The following SKAP2 variants were observed in gnomAD, a reference collection of about 807,000 sequenced individuals.
SKAP2 encodes src kinase associated phosphoprotein 2.
Under a neutral mutation model 54.9 loss-of-function variants are expected in SKAP2, and 28 were observed. The ratio of observed to expected loss-of-function variants is 0.51; its 90% CI spans 0.38 to 0.70. The LOEUF is 0.70. Ranked by LOEUF, SKAP2 falls within the 30% of genes least tolerant of loss-of-function variation. The probability of loss-of-function intolerance (pLI) is 0.00; values close to 1 mark genes in which losing one functional copy is unlikely to be tolerated. For missense variants in SKAP2, 356 were observed against 424.1 expected, an observed-to-expected ratio of 0.84 and a Z score of 1.41; for synonymous variants, 137 against 134.3, an observed-to-expected ratio of 1.02 and a Z score of -0.14.
At chr7:26,663,013 T>C (rs1786041896), downstream of SKAP2, among the ~76,000 whole-genome samples, 1 of 151,988 alleles carries the variant, frequency 6.6e-6, no homozygotes, top group South Asian at 2.1e-4. Flanking sequence ...TAGGAATTAG[T>C]AGGGTATCCT....
chr7:26,747,949 T>C (rs1782592624), intron 4 of SKAP2, among the ~76,000 whole-genome samples: 2 of 152,116 alleles, frequency 1.3e-5, no homozygotes, highest in South Asian at 2.1e-4. Context: ...CTGAAATCAA[T>C]TGTGTTCACC....
At chr7:26,852,536 G>C (rs1001798363) in intron 3 of SKAP2, among the ~76,000 whole-genome samples, 5 of 152,078 alleles carry the variant, frequency 3.3e-5, no homozygotes, top group African/African-American at 1.2e-4. Flanking sequence ...ATGATTATGA[G>C]CAATCTCTAA....
At chr7:26,713,241 T>C (rs916277960) in intron 9 of SKAP2, among the ~76,000 whole-genome samples, 23 of 152,344 alleles carry the variant, frequency 1.5e-4, no homozygotes, top group Non-Finnish European at 4.4e-5. Context: ...TTAAATGTCA[T>C]CTCTTCTTTA....
At chr7:26,850,440 C>T (rs952454786) in intron 3 of SKAP2, among the ~76,000 whole-genome samples, 4 of 151,686 alleles carry the variant, frequency 2.6e-5, no homozygotes, top group Non-Finnish European at 4.4e-5. Flanking sequence ...ACACAGGCAG[C>T]GTACCTATAG....
At chr7:26,768,386 A>G (rs567487691) in intron 4 of SKAP2, among the ~76,000 whole-genome samples, 2 of 151,782 alleles carry the variant, frequency 1.3e-5, no homozygotes, top group African/African-American at 2.4e-5. Flanking sequence ...TGAATACAGC[A>G]CACCAATGGG....
chr7:26,740,063 T>C, intron 4 of SKAP2, 99 bp from the exon 5 acceptor site: 1 of 699,538 alleles, frequency 1.4e-6, no homozygotes. Flanking sequence ...TTTTAATTAC[T>C]GAAATTGTTT....
At chr7:26,676,050 G>C (rs1270943844) in intron 11 of SKAP2, among the ~76,000 whole-genome samples, 1 of 152,166 alleles carries the variant, frequency 6.6e-6, no homozygotes, top group Non-Finnish European at 1.5e-5. Context: ...GGTTTTTTCA[G>C]CTCCTTATCT....
downstream of SKAP2, among the ~76,000 whole-genome samples, chr7:26,664,005 C>T (rs1003480944): frequency 6.6e-6 from 1 of 152,182 alleles, no homozygotes; most frequent in African/African-American, 2.4e-5. Context: ...ATTCTTTTCA[C>T]ATGCTTCAGA....
intron 4 of SKAP2, among the ~76,000 whole-genome samples, chr7:26,813,523 T>G (rs928956840): frequency 6.6e-6 from 1 of 152,350 alleles, no homozygotes; most frequent in Non-Finnish European, 1.5e-5. Context: ...AGTAAAGGAC[T>G]ATGGGTTGTG....
At chr7:26,705,865 T>C (rs964705040) in intron 9 of SKAP2, among the ~76,000 whole-genome samples, 3 of 152,206 alleles carry the variant, frequency 2.0e-5, no homozygotes, top group Non-Finnish European at 4.4e-5. Flanking sequence ...TATTTTCATA[T>C]ATTGAAAAGT....
At chr7:26,785,667 A>G (rs965253156) in intron 4 of SKAP2, among the ~76,000 whole-genome samples, 2 of 152,172 alleles carry the variant, frequency 1.3e-5, no homozygotes, top group Admixed American at 1.3e-4. Flanking sequence ...ATACACCATT[A>G]TAATAATAAG....
At chr7:26,731,228 T>A (rs935744478) in intron 6 of SKAP2, among the ~76,000 whole-genome samples, 18 of 152,204 alleles carry the variant, frequency 1.2e-4, no homozygotes, top group African/African-American at 4.1e-4. Flanking sequence ...TATATAGGAA[T>A]CTCTGTGGGT....
At chr7:26,788,309 C>CAG (rs1219757287) in intron 4 of SKAP2, among the ~76,000 whole-genome samples, 1 of 152,094 alleles carries the variant, frequency 6.6e-6, no homozygotes, top group Non-Finnish European at 1.5e-5. Context: ...AGCTGTGCCA[C>CAG]TGGCTGTGAT....
At chr7:26,751,988 G>T (rs1405900369) in intron 4 of SKAP2, among the ~76,000 whole-genome samples, 1 of 152,080 alleles carries the variant, frequency 6.6e-6, no homozygotes, top group Non-Finnish European at 1.5e-5. Flanking sequence ...GTTAATGTTA[G>T]GAGAATTGGG....
chr7:26,719,122 C>G (rs1484294287), intron 9 of SKAP2, among the ~76,000 whole-genome samples: 1 of 151,966 alleles, frequency 6.6e-6, no homozygotes, highest in African/African-American at 2.4e-5. Context: ...CTGCAGTGAG[C>G]CATGAATGCA....
intron 4 of SKAP2, among the ~76,000 whole-genome samples, chr7:26,840,734 T>C (rs1292351596): frequency 6.6e-6 from 1 of 152,044 alleles, no homozygotes; most frequent in East Asian, 1.9e-4. Flanking sequence ...ATAAAGCTAA[T>C]AAAATGAAAC....
intron 4 of SKAP2, among the ~76,000 whole-genome samples, chr7:26,794,294 C>A (rs953280086): frequency 1.3e-5 from 2 of 152,162 alleles, no homozygotes; most frequent in Non-Finnish European, 2.9e-5. Flanking sequence ...AGGGTAGACA[C>A]CCTGATAGCA....
chr7:26,655,820 A>G, the SKAP2 span, among the ~76,000 whole-genome samples: 1 of 152,212 alleles, frequency 6.6e-6, no homozygotes, highest in South Asian at 2.1e-4. Flanking sequence ...ATCTTTTAGC[A>G]CAACTAATGT....
At chr7:26,722,892 C>A (rs1053329699) in intron 9 of SKAP2, among the ~76,000 whole-genome samples, 1 of 152,046 alleles carries the variant, frequency 6.6e-6, no homozygotes, top group South Asian at 2.1e-4. Context: ...ATTTGTATAC[C>A]TCATCTTTCA....
Sources: gnomAD v4.1 joint callset for allele counts (sites outside exome capture counted in the v4.1 genomes callset) on GRCh38, gnomAD v4.1.1 for gene constraint, MANE v1.5 for transcripts, NCBI Gene and HGNC (gene_info 2026-07-23, HGNC 2026-07-21) for gene names.